RARS2: variants seen among roughly 807,000 people sequenced by gnomAD.
RARS2 encodes the protein probable arginine--tRNA ligase, mitochondrial.
A neutral mutation model predicts 88.5 loss-of-function variants in RARS2; 67 were observed. The ratio of observed to expected loss-of-function variants is 0.76; its 90% CI spans 0.62 to 0.93. RARS2 has a LOEUF of 0.93. Among genes scored for constraint, RARS2 ranks in the 40% least tolerant of loss-of-function variants. The pLI is 0.00. For synonymous variants in RARS2, 239 were observed against 230.3 expected (o/e 1.04, Z -0.34); for missense variants, 664 against 684.2 (o/e 0.97, Z 0.33).
intron 8 of RARS2, among the ~76,000 whole-genome samples, chr6:87,539,742 G>T (rs1780325509): frequency 6.6e-6 from 1 of 152,194 alleles, no homozygotes; most frequent in Non-Finnish European, 1.5e-5. Context: ...CAAAACTGCT[G>T]GCGAGTGTAC....
At chr6:87,526,515 TA>T (rs59113552) in intron 10 of RARS2, among the ~76,000 whole-genome samples, 18 of 146,868 alleles carry the variant, frequency 1.2e-4, no homozygotes, top group Admixed American at 2.0e-4. Context: ...GACCCTGTCT[TA>T]AAAAAAAAAA....
intron 1 of RARS2, among the ~76,000 whole-genome samples, chr6:87,570,509 C>T (rs1282270445): frequency 1.3e-5 from 2 of 152,100 alleles, no homozygotes; most frequent in East Asian, 3.9e-4. Flanking sequence ...GCCTCCATCT[C>T]CCGGGTTCAA....
At chr6:87,589,788 G>C in intron 1 of RARS2, 134 bp downstream of exon 1, 1 of 1,596,182 alleles carries the variant, frequency 6.3e-7, no homozygotes, top group Non-Finnish European at 8.5e-7. Context: ...CAGAGAAGGG[G>C]GAGGAGGTGG....
chr6:87,556,583 G>A (rs1785973449), intron 4 of RARS2, among the ~76,000 whole-genome samples: 1 of 151,694 alleles, frequency 6.6e-6, no homozygotes, highest in Admixed American at 6.6e-5. Flanking sequence ...TCAGGAGATT[G>A]AGACCATCCT....
At chr6:87,572,902 CA>C (rs1770228946) in intron 1 of RARS2, among the ~76,000 whole-genome samples, 1 of 152,044 alleles carries the variant, frequency 6.6e-6, no homozygotes, top group South Asian at 2.1e-4. Flanking sequence ...GCATGTTTTA[CA>C]CCTAGTAATA....
Position 87,515,000 on chromosome 6 carries a change from T to C in RARS2, c.1607A>G (p.His536Arg). 1 of 1,613,560 alleles carries C rather than the reference T, an allele frequency of 6.2e-7. No homozygotes were observed. The highest frequency in any genetic ancestry group is 8.5e-7 in the Non-Finnish European group (1 of 1,179,432). Residue 536 changes from histidine to arginine, a missense_variant, in exon 19 of 20, where the codon CAC becomes CGC. Transcript: ENST00000369536. ...LTLSHLAAVA[H>R]KTLQIKDSPP... is the part of the protein sequence containing the mutation. ...ACTATCTTTTATTTGTAGTGTTTTG[T>C]GTGCCACAGCTGCAAGATGACTGAA...
intron 8 of RARS2, among the ~76,000 whole-genome samples, chr6:87,540,074 T>G (rs1780432324): frequency 1.3e-5 from 2 of 152,120 alleles, no homozygotes; most frequent in Non-Finnish European, 2.9e-5. Flanking sequence ...TTGGTTAACA[T>G]GATAAATCAA....
Position 87,525,549 on chromosome 6 carries a change from CTTTTTTTT to C in RARS2, c.879-905_879-898del, listed in dbSNP as rs71554728. On this transcript the variant is annotated intron_variant, in intron 10 of 19. Transcript: ENST00000369536. ...ATATGAAAATCAGTAGCCTTTTTTT[CTTTTTTTT>C]TTTTTTGAGACGGAGTCTCACTTTG... Among the ~76,000 whole-genome samples the C allele has an allele frequency of 2.7e-4, 39 of 142,170 alleles. No individual in the cohort carries two copies. The East Asian group carries it at 6.9e-3, about 25-fold the overall frequency. 93.3% of individuals were successfully genotyped at this position (142,170 alleles called of 152,430 possible).
At chr6:87,575,465 T>C (rs973910401) in intron 1 of RARS2, among the ~76,000 whole-genome samples, 3 of 152,224 alleles carry the variant, frequency 2.0e-5, no homozygotes, top group South Asian at 2.1e-4. Context: ...GTAAAATACA[T>C]ACATAGTGTC....
Position 87,545,615 on chromosome 6 carries a change from C to G in RARS2, c.535+1G>C, listed in dbSNP as rs1782389325. 6.2e-7 allele frequency: 1 copy of G among 1,613,566 alleles called. No individual in the cohort carries two copies. Among genetic ancestry groups the G allele is most frequent in the Non-Finnish European group, 8.5e-7 (1 of 1,179,764 alleles). The stretch of plus-strand genomic sequence containing the variant: ...AAAAATAAAATCTCAAGTGTACTTA[C>G]CAAACTGCATGCCCCAATCGCCAAG... On this transcript the variant is annotated splice_donor_variant, in intron 7 of 19. Coordinates refer to ENST00000369536, the MANE Select transcript of RARS2 (RefSeq NM_020320.5). LOFTEE classifies it high-confidence loss of function.
intron 1 of RARS2, among the ~76,000 whole-genome samples, chr6:87,579,182 A>T (rs1310887798): frequency 6.6e-6 from 1 of 152,140 alleles, no homozygotes; most frequent in Non-Finnish European, 1.5e-5. Context: ...TTCCATGGTC[A>T]ATGTTCTTAG....
chr6:87,535,676 G>GTT (rs10710147), intron 8 of RARS2, among the ~76,000 whole-genome samples: 36 of 111,370 alleles, frequency 3.2e-4, no homozygotes, highest in Non-Finnish European at 3.7e-4. Context: ...TAACTGTTTT[G>GTT]TTTTTTTTTT....
chr6:87,557,358 A>T (rs1786305900), intron 4 of RARS2, among the ~76,000 whole-genome samples: 1 of 152,218 alleles, frequency 6.6e-6, no homozygotes, highest in South Asian at 2.1e-4. Context: ...TATTAGTCCA[A>T]GAATATATAT....
In RARS2 at chr6:87,530,949, G is replaced by A. The variant is rs1777330883; in HGVS notation, c.613-7C>T. The A allele has an allele frequency of 1.9e-6, 3 of 1,613,752 alleles. No individual in the cohort carries two copies. Among genetic ancestry groups the A allele is most frequent in the Non-Finnish European group, 2.5e-6 (3 of 1,179,974 alleles). The stretch of plus-strand genomic sequence containing the variant: ...TATTAACTTGTACATAAACCTAAAA[G>A]TACAATAGTACATTAAATGAAGTAC... On this transcript the variant is annotated splice_polypyrimidine_tract_variant and splice_region_variant and intron_variant, in intron 8 of 19. Coordinates refer to ENST00000369536, the MANE Select transcript of RARS2 (RefSeq NM_020320.5).
rs747941218 is a variant in RARS2 at position 87,548,697 on chromosome 6, A to G, written c.396-51T>C. The stretch of plus-strand genomic sequence containing the variant: ...TCTATTCTAAGACTTAAGACTTCTA[A>G]GAATCAACTAGGTCATGCCTCCATA... On this transcript the variant is annotated intron_variant, in intron 5 of 19. Transcript: ENST00000369536. 4 of 1,524,056 alleles carry G rather than the reference A, an allele frequency of 2.6e-6. No homozygotes were observed. In the Admixed American group the frequency reaches 5.2e-5, roughly 20 times the overall value. 94.4% of individuals were successfully genotyped at this position (1,524,056 alleles called of 1,614,324 possible). A position where few individuals can be genotyped will look rare whatever the true frequency, so the allele number is the denominator to read the frequency against.
At chr6:87,575,261 AC>A (rs1771082020) in intron 1 of RARS2, among the ~76,000 whole-genome samples, 1 of 148,070 alleles carries the variant, frequency 6.8e-6, no homozygotes, top group Non-Finnish European at 1.5e-5. Flanking sequence ...ACACACACAC[AC>A]ACACACACAC....
At chr6:87,522,742 C>T (rs773916340) in intron 11 of RARS2, among the ~76,000 whole-genome samples, 4 of 152,230 alleles carry the variant, frequency 2.6e-5, no homozygotes, top group Non-Finnish European at 2.9e-5. Context: ...CTACCCTCCT[C>T]GTCCTCCCAA....
intron 11 of RARS2, 70 bp downstream of exon 11, chr6:87,524,487 T>C (rs767570230): frequency 1.0e-5 from 12 of 1,180,912 alleles, no homozygotes; most frequent in African/African-American, 1.5e-5. Context: ...GCATAATTAA[T>C]TGTACATAGT....
At chr6:87,542,630 G>C (rs1244674349) in intron 7 of RARS2, among the ~76,000 whole-genome samples, 1 of 147,876 alleles carries the variant, frequency 6.8e-6, no homozygotes, top group Admixed American at 6.8e-5. Context: ...AGAGTTCAGG[G>C]ATAGTGTTAA....
Sources: allele counts gnomAD v4.1 joint callset (sites outside exome capture counted in the v4.1 genomes callset), GRCh38; gene constraint gnomAD v4.1.1; transcripts MANE v1.5; gene names NCBI Gene and HGNC (gene_info 2026-07-23, HGNC 2026-07-21).